The following TRAPPC9 variants were observed in gnomAD, a reference collection of about 807,000 sequenced individuals.
TRAPPC9 encodes trafficking protein particle complex subunit 9, also known as IKK2 binding protein.
A neutral mutation model predicts 124.0 loss-of-function variants in TRAPPC9; 83 were observed. That is an observed-to-expected ratio of 0.67 (90% confidence interval 0.56 to 0.80). The LOEUF is 0.80. Ranked by LOEUF, TRAPPC9 falls within the 30% of genes least tolerant of loss-of-function variation. The pLI, the probability that TRAPPC9 is intolerant of heterozygous loss-of-function variation, is 0.00. For synonymous variants in TRAPPC9, 638 were observed against 617.5 expected, an observed-to-expected ratio of 1.03 and a Z score of -0.49; for missense variants, 1,302 against 1,508.3, an observed-to-expected ratio of 0.86 and a Z score of 2.27.
intron 17 of TRAPPC9, among the ~76,000 whole-genome samples, chr8:140,164,273 T>G (rs2061796644): frequency 1.3e-5 from 2 of 152,226 alleles, no homozygotes; most frequent in African/African-American, 4.8e-5. Flanking sequence ...CAGCACATAA[T>G]TTGGCTTCTG....
At chr8:139,893,930 C>T (rs1466075423) in intron 20 of TRAPPC9, among the ~76,000 whole-genome samples, 2 of 152,268 alleles carry the variant, frequency 1.3e-5, no homozygotes, top group African/African-American at 4.8e-5. Flanking sequence ...GGAACTCCTC[C>T]CTGCCCACAG....
intron 17 of TRAPPC9, among the ~76,000 whole-genome samples, chr8:140,192,484 G>A (rs2062517632): frequency 6.6e-6 from 1 of 152,200 alleles, no homozygotes; most frequent in Admixed American, 6.5e-5. Flanking sequence ...AGTGCCTGGG[G>A]CGTGTTTTCT....
At position 140,263,139 on chromosome 8, in the gene TRAPPC9, C is replaced by T. The variant is rs1009702987; in HGVS notation, c.2279-10210G>A. Among the ~76,000 whole-genome samples the T allele has an allele frequency of 4.4e-4, 67 of 152,266 alleles. 1 individual carries two copies. Among genetic ancestry groups the T allele is most frequent in the African/African-American group, 1.6e-3 (65 of 41,538 alleles). On this transcript the variant is annotated intron_variant, in intron 15 of 22. Coordinates refer to ENST00000438773, the MANE Select transcript of TRAPPC9 (RefSeq NM_001160372.4). ...TGCTCAGTACGGGCTGCTGAGGAGT[C>T]CAGCAAAGGCAAGAGCAGCTGGCAG... is the stretch of plus-strand genomic sequence containing the variant.
intron 20 of TRAPPC9, among the ~76,000 whole-genome samples, chr8:139,908,009 G>T (rs1831471731): frequency 6.6e-6 from 1 of 152,192 alleles, no homozygotes; most frequent in Non-Finnish European, 1.5e-5. Flanking sequence ...GCCGACAAGG[G>T]TGACGTGGCC....
rs920729886 is a variant in TRAPPC9, at chr8:140,308,348, G to A, written c.1622+2900C>T. ...AGCAGAGTAGGCTACGAGATACTCCGGCTCTCCAAATGTTCCAAAGACCTT... is the reference window on the plus strand; with the variant it reads ...AGCAGAGTAGGCTACGAGATACTCCAGCTCTCCAAATGTTCCAAAGACCTT... On this transcript the variant is annotated intron_variant, in intron 10 of 22. Transcript: ENST00000438773. Among the ~76,000 whole-genome samples, 10 of 150,394 alleles carry A rather than the reference G, an allele frequency of 6.6e-5. No homozygotes were observed. The East Asian group carries it at 7.8e-4, about 12-fold the overall frequency.
chr8:140,331,617 A>AATCATC lies in TRAPPC9; in HGVS notation c.1496-20249_1496-20244dup, dbSNP rs57241018. 2.2e-3 allele frequency among the ~76,000 whole-genome samples: 337 copies of AATCATC among 150,712 alleles called. 3 individuals are homozygous for AATCATC. Among genetic ancestry groups the AATCATC allele is most frequent in the East Asian group, 0.013 (68 of 5,076 alleles). On this transcript the variant is annotated intron_variant, in intron 9 of 22. Coordinates refer to ENST00000438773, the MANE Select transcript of TRAPPC9 (RefSeq NM_001160372.4). ...AATATAAAGGAACTCAACAGCAAAAAATCATCATCATCATCATCATCATCA... is the reference window on the plus strand; with the variant it reads ...AATATAAAGGAACTCAACAGCAAAAAATCATCATCATCATCATCATCATCATCATCA...
intron 21 of TRAPPC9, among the ~76,000 whole-genome samples, chr8:139,792,825 T>C (rs1373411571): frequency 6.6e-6 from 1 of 152,204 alleles, no homozygotes; most frequent in Non-Finnish European, 1.5e-5. Flanking sequence ...CTTTACATCC[T>C]ACTCGTGCAG....
chr8:139,845,015 G>A (rs1454015824), intron 21 of TRAPPC9, among the ~76,000 whole-genome samples: 1 of 152,030 alleles, frequency 6.6e-6, no homozygotes, highest in Non-Finnish European at 1.5e-5. Context: ...CTTCCCATCC[G>A]CCCCCTCTCC....
intron 18 of TRAPPC9, among the ~76,000 whole-genome samples, chr8:139,990,792 G>A (rs1229500073): frequency 6.6e-6 from 1 of 152,138 alleles, no homozygotes; most frequent in East Asian, 1.9e-4. Context: ...TCACCATGAT[G>A]GCCAGGCTGG....
rs1363310519 is a variant in TRAPPC9, at chr8:139,728,503, C to T, written c.*2558G>A. ...GGATACTGCGCTGTCACTGAGACAC[C>T]TGCCCCAGGTCCTCCATCTCAGCCA... On this transcript the variant is annotated 3_prime_UTR_variant, in exon 23 of 23. Transcript: ENST00000438773. 6.6e-6 allele frequency among the ~76,000 whole-genome samples: 1 copy of T among 152,200 alleles called. No homozygotes were observed. Among genetic ancestry groups the T allele is most frequent in the Non-Finnish European group, 1.5e-5 (1 of 68,042 alleles).
chr8:139,778,996 T>C, intron 21 of TRAPPC9, among the ~76,000 whole-genome samples: 1 of 152,182 alleles, frequency 6.6e-6, no homozygotes, highest in Non-Finnish European at 1.5e-5. Context: ...GTTTTTGCCA[T>C]TACTTTTAAT....
chr8:139,739,197 G>A (rs909945968), intron 21 of TRAPPC9, among the ~76,000 whole-genome samples: 4 of 151,814 alleles, frequency 2.6e-5, no homozygotes, highest in African/African-American at 7.3e-5. Context: ...CTCCACCACC[G>A]GCAGCAGCTC....
chr8:139,923,305 A>G (rs956291285), intron 19 of TRAPPC9, among the ~76,000 whole-genome samples: 1 of 152,188 alleles, frequency 6.6e-6, no homozygotes, highest in Non-Finnish European at 1.5e-5. Context: ...TTTCTACAGG[A>G]TGCCTGCCTC....
At chr8:140,228,258 G>C (rs946415069) in intron 16 of TRAPPC9, among the ~76,000 whole-genome samples, 4 of 152,218 alleles carry the variant, frequency 2.6e-5, no homozygotes, top group Non-Finnish European at 5.9e-5. Flanking sequence ...CTCAGTGGGA[G>C]TTTGTCAGGG....
At position 140,252,169 on chromosome 8, in the gene TRAPPC9, G is replaced by A. The variant is rs1175412155; in HGVS notation, c.2431+608C>T. Among the ~76,000 whole-genome samples, 1 of 152,038 alleles carries A rather than the reference G, an allele frequency of 6.6e-6. No individual in the cohort carries two copies. Among genetic ancestry groups the A allele is most frequent in the Admixed American group, 6.6e-5 (1 of 15,262 alleles). ...GCCTCCTGAGTAGCTGGGATTACAG[G>A]CATGCGCCACCATGCCCGACGAATT... On this transcript the variant is annotated intron_variant, in intron 16 of 22. Coordinates refer to ENST00000438773, the MANE Select transcript of TRAPPC9 (RefSeq NM_001160372.4). This position sits in a 1 kb window ranked among gnomAD's most constrained non-coding sequence, Gnocchi z 4.2.
At chr8:139,957,788 C>G (rs536195032) in intron 19 of TRAPPC9, among the ~76,000 whole-genome samples, 3 of 152,336 alleles carry the variant, frequency 2.0e-5, no homozygotes, top group East Asian at 3.9e-4. Flanking sequence ...CACACTGCCC[C>G]CCTCGGGCCG....
intron 17 of TRAPPC9, among the ~76,000 whole-genome samples, chr8:140,153,589 C>T (rs543650519): frequency 6.6e-6 from 1 of 152,128 alleles, no homozygotes; most frequent in South Asian, 2.1e-4. Flanking sequence ...GCCTTATTGA[C>T]CTTTGTTTCA....
chr8:139,971,938 C>T (rs1008209052), intron 19 of TRAPPC9, among the ~76,000 whole-genome samples: 2 of 152,022 alleles, frequency 1.3e-5, no homozygotes, highest in Non-Finnish European at 2.9e-5. Context: ...TCTCCTGCTT[C>T]AGCCTCTCAA....
intron 21 of TRAPPC9, among the ~76,000 whole-genome samples, chr8:139,760,454 A>G (rs1484706408): frequency 6.6e-6 from 1 of 152,200 alleles, no homozygotes; most frequent in Non-Finnish European, 1.5e-5. Context: ...AAGGGCATCC[A>G]GCAACTTGGC....
Sources: allele counts gnomAD v4.1 joint callset (sites outside exome capture counted in the v4.1 genomes callset), GRCh38; gene constraint gnomAD v4.1.1; non-coding constraint Gnocchi (gnomAD v3.1); transcripts MANE v1.5; gene names NCBI Gene and HGNC (gene_info 2026-07-23, HGNC 2026-07-21).